The following CSMD2 variants were observed in gnomAD, a reference collection of about 807,000 sequenced individuals.
CSMD2 encodes CUB and sushi domain-containing protein 2.
CSMD2 carries 130 observed loss-of-function variants against 398.5 expected under a neutral mutation model. That is an observed-to-expected ratio of 0.33 (90% CI 0.28 to 0.38). CSMD2 has a LOEUF of 0.38. Among genes scored for constraint, CSMD2 ranks in the 10% least tolerant of loss-of-function variants. The pLI, the probability that CSMD2 is intolerant of heterozygous loss-of-function variation, is 1.00. For missense variants in CSMD2, 3,829 were observed against 4,764.9 expected (o/e 0.80, Z 5.78); for synonymous variants, 1,828 against 1,908.5 (o/e 0.96, Z 1.10).
chr1:33,559,874 C>T lies in CSMD2; in HGVS notation c.8381-401G>A, dbSNP rs1658385263. ...GGCCCATCCTCATTCCTGAGCCAAC[C>T]TTGTAGAACCAGAGTGAATACTAAC... On this transcript the variant is annotated intron_variant, in intron 53 of 70. Transcript: ENST00000373381. This position sits in a 1 kb window ranked among gnomAD's most constrained non-coding sequence, Gnocchi z 4.0. Among the ~76,000 whole-genome samples the T allele has an allele frequency of 6.6e-6, 1 of 152,126 alleles. No individual in the cohort carries two copies.
At chr1:33,550,573 C>A (rs1029434114) in intron 55 of CSMD2, among the ~76,000 whole-genome samples, 10 of 152,234 alleles carry the variant, frequency 6.6e-5, no homozygotes, top group Non-Finnish European at 2.9e-5. Flanking sequence ...ACCTTCTCAG[C>A]ATGTAGCAGA....
At chr1:33,605,206 T>A in intron 42 of CSMD2, 76 bp downstream of exon 42, 1 of 1,375,362 alleles carries the variant, frequency 7.3e-7, no homozygotes, top group Non-Finnish European at 1.0e-6. Flanking sequence ...AGCAGGTAGG[T>A]GGAACATGGG....
intron 5 of CSMD2, among the ~76,000 whole-genome samples, chr1:33,902,421 C>T (rs1335032459): frequency 6.6e-6 from 1 of 152,118 alleles, no homozygotes. Flanking sequence ...TCCCAAAAGC[C>T]TCTCATGCTC....
intron 3 of CSMD2, among the ~76,000 whole-genome samples, chr1:34,019,194 A>G (rs1472303046): frequency 6.6e-6 from 1 of 152,208 alleles, no homozygotes; most frequent in Non-Finnish European, 1.5e-5. Context: ...CAGCAATGCT[A>G]GCTTTCATTA....
chr1:33,642,474 G>T (rs1302584127), intron 29 of CSMD2, among the ~76,000 whole-genome samples: 1 of 152,188 alleles, frequency 6.6e-6, no homozygotes, highest in African/African-American at 2.4e-5. Flanking sequence ...GATCTGCAGG[G>T]AGGGGAGAAT....
chr1:33,872,110 A>G (rs1299492270), intron 5 of CSMD2, among the ~76,000 whole-genome samples: 1 of 152,244 alleles, frequency 6.6e-6, no homozygotes, highest in South Asian at 2.1e-4. Flanking sequence ...GAGGAGGGAC[A>G]TCCTTGTTAG....
chr1:33,736,928 C>T (rs561547141), intron 15 of CSMD2, among the ~76,000 whole-genome samples: 4 of 152,238 alleles, frequency 2.6e-5, no homozygotes, highest in Admixed American at 2.0e-4. Context: ...ACCAACACAA[C>T]GAAAACTAAA....
At chr1:33,836,778 A>C (rs922343018) in intron 6 of CSMD2, among the ~76,000 whole-genome samples, 3 of 152,178 alleles carry the variant, frequency 2.0e-5, no homozygotes, top group African/African-American at 7.2e-5. Flanking sequence ...TTCCTTGGCT[A>C]GGAAAGCGAA....
intron 25 of CSMD2, among the ~76,000 whole-genome samples, chr1:33,673,949 T>C (rs1391893512): frequency 6.6e-6 from 1 of 152,026 alleles, no homozygotes; most frequent in Non-Finnish European, 1.5e-5. Context: ...CTAAAAGAGC[T>C]CCTGAAGGAA....
chr1:33,881,982 C>T (rs1641268391), intron 5 of CSMD2, among the ~76,000 whole-genome samples: 1 of 152,076 alleles, frequency 6.6e-6, no homozygotes, highest in South Asian at 2.1e-4. Context: ...TTTCCTTTTC[C>T]CCATTATAAT....
At chr1:34,008,706 C>A (rs483477) in intron 3 of CSMD2, among the ~76,000 whole-genome samples, 36,601 of 152,078 alleles carry the variant, frequency 0.24, 7,085 homozygotes, top group African/African-American at 0.54. Context: ...TTACGATATT[C>A]ATTTATTCAT....
chr1:33,838,061 C>G (rs986935531), intron 6 of CSMD2, among the ~76,000 whole-genome samples: 1 of 152,178 alleles, frequency 6.6e-6, no homozygotes, highest in Admixed American at 6.5e-5. Context: ...TAACCTGTCT[C>G]CAAGGCTCTG....
chr1:33,594,195 GTT>G (rs1639687031), intron 44 of CSMD2, among the ~76,000 whole-genome samples: 4 of 152,084 alleles, frequency 2.6e-5, no homozygotes. Flanking sequence ...TCTATTTTGA[GTT>G]ACTGGTTCAT....
At chr1:33,561,979 C>G (rs1658600068) in intron 53 of CSMD2, among the ~76,000 whole-genome samples, 1 of 151,972 alleles carries the variant, frequency 6.6e-6, no homozygotes, top group South Asian at 2.1e-4. Context: ...GGATTAAAAC[C>G]CTTGGGAATA....
At chr1:33,839,980 A>G (rs1660687779) in intron 6 of CSMD2, 1 of 152,216 alleles carries the variant, frequency 6.6e-6, no homozygotes, top group African/African-American at 2.4e-5. Context: ...GGTAGAAAAA[A>G]TAATCATCAA....
At chr1:33,535,900 C>T (rs1655721938) in intron 62 of CSMD2, among the ~76,000 whole-genome samples, 1 of 152,298 alleles carries the variant, frequency 6.6e-6, no homozygotes, top group South Asian at 2.1e-4. Flanking sequence ...AAAATGGTAA[C>T]CCACCCCGTT....
At chr1:33,542,972 T>C in intron 57 of CSMD2, 76 bp from the exon 58 acceptor site, 1 of 1,294,632 alleles carries the variant, frequency 7.7e-7, no homozygotes, top group East Asian at 2.4e-5. Flanking sequence ...CTGCCCAGAG[T>C]GGAAGCCACA....
chr1:34,070,428 G>A (rs993712734), intron 2 of CSMD2, among the ~76,000 whole-genome samples: 2 of 152,216 alleles, frequency 1.3e-5, no homozygotes, highest in Non-Finnish European at 2.9e-5. Flanking sequence ...TCAGAGCAGG[G>A]AGAAAATGCT....
intron 6 of CSMD2, among the ~76,000 whole-genome samples, chr1:33,844,775 G>A (rs1661196231): frequency 6.6e-6 from 1 of 152,152 alleles, no homozygotes; most frequent in African/African-American, 2.4e-5. Flanking sequence ...AGTAATAAAT[G>A]CCAAGCGCTT....
Sources: allele counts gnomAD v4.1 joint callset (sites outside exome capture counted in the v4.1 genomes callset), GRCh38; gene constraint gnomAD v4.1.1; non-coding constraint Gnocchi (gnomAD v3.1); transcripts MANE v1.5; gene names NCBI Gene and HGNC (gene_info 2026-07-23, HGNC 2026-07-21).